The following NLGN1 variants were observed in gnomAD, a reference collection of about 807,000 sequenced individuals.
The protein encoded by NLGN1 is neuroligin 1, also known as neuroligin-1.
In NLGN1, 12 loss-of-function variants were observed where a neutral mutation model predicts 65.5. The ratio of observed to expected loss-of-function variants is 0.18; its 90% CI spans 0.12 to 0.30. The LOEUF (loss-of-function observed/expected upper bound fraction) is 0.30, where lower values mean the gene tolerates loss of function less well. Ranked by LOEUF, NLGN1 falls within the 10% of genes least tolerant of loss-of-function variation. The probability of loss-of-function intolerance (pLI) is 1.00; values close to 1 mark genes in which losing one functional copy is unlikely to be tolerated. For synonymous variants in NLGN1, 350 were observed against 359.5 expected (o/e 0.97, Z 0.30); for missense variants, 750 against 1,007.1 (o/e 0.74, Z 3.46).
chr3:173,717,470 A>G lies in NLGN1; in HGVS notation c.494-90210A>G, dbSNP rs73880553. 3.4e-3 allele frequency among the ~76,000 whole-genome samples: 519 copies of G among 152,284 alleles called. 5 individuals are homozygous for G. Among genetic ancestry groups the G allele is most frequent in the African/African-American group, 0.012 (492 of 41,572 alleles). On this transcript the variant is annotated intron_variant, in intron 3 of 6. Coordinates refer to ENST00000457714, the Ensembl canonical transcript of NLGN1. The stretch of plus-strand genomic sequence containing the variant: ...GCTTGATTGTAACAGTTCTTCAGCA[A>G]TGGGAGTCAAACTGTTTTAGCCATG...
intron 3 of NLGN1, among the ~76,000 whole-genome samples, chr3:173,792,222 G>C (rs1339741031): frequency 2.0e-5 from 3 of 152,158 alleles, no homozygotes; most frequent in Non-Finnish European, 4.4e-5. Context: ...GACACTGTCA[G>C]AGAGCTCATC....
chr3:173,528,601 A>G (rs997686910), intron 2 of NLGN1, among the ~76,000 whole-genome samples: 3 of 152,166 alleles, frequency 2.0e-5, no homozygotes, highest in African/African-American at 4.8e-5. Context: ...GTCACTTCAC[A>G]TAATTCCATA....
At chr3:173,951,081 G>A (rs1332030300) in intron 4 of NLGN1, among the ~76,000 whole-genome samples, 1 of 152,004 alleles carries the variant, frequency 6.6e-6, no homozygotes, top group African/African-American at 2.4e-5. Flanking sequence ...TGGCCAGGCT[G>A]GTCTCGAACT....
chr3:174,078,804 G>C (rs575362005), intron 4 of NLGN1, among the ~76,000 whole-genome samples: 36 of 152,196 alleles, frequency 2.4e-4, no homozygotes, highest in Non-Finnish European at 5.0e-4. Context: ...AAGAAACATT[G>C]GATTTGTTAA....
At chr3:173,467,491 C>G (rs975158773) in intron 2 of NLGN1, among the ~76,000 whole-genome samples, 10 of 151,930 alleles carry the variant, frequency 6.6e-5, no homozygotes, top group African/African-American at 2.4e-4. Context: ...TTGGTCAAAC[C>G]TTGCCTGCAG....
chr3:173,501,728 T>C (rs1311683194), intron 2 of NLGN1, among the ~76,000 whole-genome samples: 2 of 151,474 alleles, frequency 1.3e-5, no homozygotes, highest in South Asian at 2.1e-4. Context: ...CATAAAATTC[T>C]ATAAATTCTA....
chr3:173,472,832 G>A (rs989587514), intron 2 of NLGN1, among the ~76,000 whole-genome samples: 4 of 152,014 alleles, frequency 2.6e-5, no homozygotes, highest in African/African-American at 9.7e-5. Flanking sequence ...ACTATGTAAG[G>A]CATTTTGACT....
intron 4 of NLGN1, among the ~76,000 whole-genome samples, chr3:174,002,795 G>A (rs74864539): frequency 0.033 from 5,025 of 152,280 alleles, 115 homozygotes; most frequent in Admixed American, 0.074. Context: ...AAACAGACTG[G>A]TGCTGCTCCA....
At chr3:173,446,215 C>A (rs912334834) in intron 2 of NLGN1, among the ~76,000 whole-genome samples, 8 of 103,734 alleles carry the variant, frequency 7.7e-5, no homozygotes, top group African/African-American at 2.8e-4. Flanking sequence ...TCCCTCCCCC[C>A]TACCCCCACC....
Position 174,012,828 on chromosome 3 carries a change from C to A in NLGN1, c.646+204996C>A, listed in dbSNP as rs890029989. Among the ~76,000 whole-genome samples, 4 of 152,234 alleles carry A rather than the reference C, an allele frequency of 2.6e-5. No homozygotes were observed. The East Asian group carries it at 7.7e-4, about 29-fold the overall frequency. ...GGTTTGAGATTATAGATACCAGTTT[C>A]AAGTGATATAGTAGACATGTTAGAT... On this transcript the variant is annotated intron_variant, in intron 4 of 6. Transcript: ENST00000457714.
chr3:174,109,146 G>C (rs1714640596), intron 4 of NLGN1, among the ~76,000 whole-genome samples: 1 of 151,644 alleles, frequency 6.6e-6, no homozygotes. Context: ...GGTTTATTTA[G>C]AAAGAGAAAA....
chr3:173,835,253 G>A lies in NLGN1; in HGVS notation c.646+27421G>A, dbSNP rs915910032. Among the ~76,000 whole-genome samples, 7 of 152,086 alleles carry A rather than the reference G, an allele frequency of 4.6e-5. No individual in the cohort carries two copies. The East Asian group carries it at 9.7e-4, about 21-fold the overall frequency. ...AATGTTTTCTGGACTTTGATATATC[G>A]TGGTTGCTTCACTCTTGTATCATAT... On this transcript the variant is annotated intron_variant, in intron 4 of 6. Coordinates refer to ENST00000457714, the Ensembl canonical transcript of NLGN1.
At chr3:173,582,217 C>T (rs981970815) in intron 2 of NLGN1, among the ~76,000 whole-genome samples, 7 of 151,728 alleles carry the variant, frequency 4.6e-5, no homozygotes, top group Non-Finnish European at 8.8e-5. Context: ...TTCTTGTTAC[C>T]GTTTCTACTA....
At chr3:174,001,553 G>T (rs542804844) in intron 4 of NLGN1, among the ~76,000 whole-genome samples, 3 of 152,240 alleles carry the variant, frequency 2.0e-5, no homozygotes, top group East Asian at 3.9e-4. Context: ...TATTGTAGGG[G>T]TTAAGAGGAT....
intron 2 of NLGN1, among the ~76,000 whole-genome samples, chr3:173,576,899 A>G (rs1181663184): frequency 2.0e-5 from 3 of 152,284 alleles, no homozygotes; most frequent in East Asian, 3.9e-4. Context: ...TTGTGGTCCA[A>G]TATTTTAAGA....
intron 4 of NLGN1, among the ~76,000 whole-genome samples, chr3:174,005,358 C>T (rs555937193): frequency 2.6e-5 from 4 of 152,182 alleles, no homozygotes; most frequent in African/African-American, 9.6e-5. Context: ...TCTGGGACCT[C>T]GTGTGTATTG....
At chr3:173,886,306 G>A (rs1205984259) in intron 4 of NLGN1, among the ~76,000 whole-genome samples, 1 of 152,046 alleles carries the variant, frequency 6.6e-6, no homozygotes, top group Non-Finnish European at 1.5e-5. Flanking sequence ...GAGACTGTGA[G>A]TATTTTTTTC....
intron 4 of NLGN1, among the ~76,000 whole-genome samples, chr3:173,947,222 A>G (rs1227124026): frequency 6.6e-6 from 1 of 151,964 alleles, no homozygotes; most frequent in Non-Finnish European, 1.5e-5. Flanking sequence ...GGGTTTCTCC[A>G]TGTTGATCAG....
At chr3:173,967,044 A>G (rs927752222) in intron 4 of NLGN1, among the ~76,000 whole-genome samples, 1 of 152,246 alleles carries the variant, frequency 6.6e-6, no homozygotes, top group Non-Finnish European at 1.5e-5. Flanking sequence ...TAACGATAAG[A>G]CAAGGTCAGC....
Sources: gnomAD v4.1 joint callset for allele counts (sites outside exome capture counted in the v4.1 genomes callset) on GRCh38, gnomAD v4.1.1 for gene constraint, MANE v1.5 for transcripts, NCBI Gene and HGNC (gene_info 2026-07-23, HGNC 2026-07-21) for gene names.